The following GSE1 variants were observed in gnomAD, a reference collection of about 807,000 sequenced individuals.
GSE1 encodes Gse1 coiled-coil protein.
A neutral mutation model predicts 112.6 loss-of-function variants in GSE1; 32 were observed. That is an observed-to-expected ratio of 0.28 (90% CI 0.21 to 0.38). The LOEUF (loss-of-function observed/expected upper bound fraction) is 0.38. GSE1 is among the 10% of genes least tolerant of loss of function. The pLI is 1.00. For synonymous variants in GSE1, 1,115 were observed against 735.6 expected, an observed-to-expected ratio of 1.52 and a Z score of -8.35; for missense variants, 2,348 against 1,699.2, an observed-to-expected ratio of 1.38 and a Z score of -6.71.
At chr16:85,298,653 C>T (rs1166563733) in intron 1 of GSE1, among the ~76,000 whole-genome samples, 5 of 152,174 alleles carry the variant, frequency 3.3e-5, no homozygotes, top group Non-Finnish European at 7.3e-5. Flanking sequence ...TCTCGAACTC[C>T]TGACCTCAAG....
intron 9 of GSE1, chr16:85,662,636 G>C (rs1193315517): frequency 3.9e-6 from 1 of 259,650 alleles, no homozygotes; most frequent in Non-Finnish European, 7.4e-6. Flanking sequence ...CAGCATGGGG[G>C]AGTGCATGTG....
chr16:85,189,881 T>TA (rs1406685950), intron 1 of GSE1, among the ~76,000 whole-genome samples: 14 of 152,366 alleles, frequency 9.2e-5, no homozygotes, highest in African/African-American at 3.4e-4. Flanking sequence ...TCATTCCTGA[T>TA]ATTGGTGCCT....
At chr16:85,548,438 G>A (rs1020493486) in intron 2 of GSE1, among the ~76,000 whole-genome samples, 5 of 150,984 alleles carry the variant, frequency 3.3e-5, no homozygotes, top group African/African-American at 7.3e-5. Flanking sequence ...CTGCCCTCCC[G>A]CCTCTGTCAT....
chr16:85,336,367 C>G (rs535846595), intron 1 of GSE1, among the ~76,000 whole-genome samples: 41 of 152,372 alleles, frequency 2.7e-4, no homozygotes, highest in Non-Finnish European at 4.7e-4. Context: ...AGCTCCCGGC[C>G]TAAGCATCAG....
intron 2 of GSE1, among the ~76,000 whole-genome samples, chr16:85,539,608 T>G (rs13380446): frequency 0.026 from 3,929 of 152,094 alleles, 161 homozygotes; most frequent in African/African-American, 0.089. Context: ...ACCTCTGGGT[T>G]GTTTTTCTCC....
intron 2 of GSE1, among the ~76,000 whole-genome samples, chr16:85,477,630 G>A (rs1259228039): frequency 1.4e-5 from 2 of 147,888 alleles, no homozygotes; most frequent in African/African-American, 2.5e-5. Flanking sequence ...GCGCGATCTC[G>A]GCTCACCGCA....
intron 2 of GSE1, among the ~76,000 whole-genome samples, chr16:85,469,992 C>T (rs183851223): frequency 1.3e-5 from 2 of 152,246 alleles, no homozygotes; most frequent in African/African-American, 4.8e-5. Flanking sequence ...TGGAGGGCTG[C>T]TCCCACTCAC....
chr16:85,619,964 GGA>G (rs2151622193), intron 1 of GSE1, among the ~76,000 whole-genome samples: 1 of 152,270 alleles, frequency 6.6e-6, no homozygotes, highest in Admixed American at 6.5e-5. Context: ...CTTAGAGCCT[GGA>G]GAGAGGTCAC....
At chr16:85,367,470 C>T (rs1210222560) in intron 2 of GSE1, among the ~76,000 whole-genome samples, 1 of 152,228 alleles carries the variant, frequency 6.6e-6, no homozygotes, top group South Asian at 2.1e-4. Context: ...AGGCAGATAA[C>T]TCCCGAATGA....
At chr16:85,301,364 G>A (rs927026580) in intron 1 of GSE1, among the ~76,000 whole-genome samples, 44 of 152,344 alleles carry the variant, frequency 2.9e-4, no homozygotes, top group African/African-American at 1.0e-3. Context: ...GCCCTGGAGT[G>A]GGTGGTCTCT....
At chr16:85,175,086 G>A (rs554393909) in intron 1 of GSE1, among the ~76,000 whole-genome samples, 40 of 152,166 alleles carry the variant, frequency 2.6e-4, no homozygotes, top group Non-Finnish European at 5.4e-4. Flanking sequence ...GTGTTCATGC[G>A]TTAGCGAATC....
intron 1 of GSE1, among the ~76,000 whole-genome samples, chr16:85,560,442 T>C (rs1228893314): frequency 6.6e-6 from 1 of 152,152 alleles, no homozygotes; most frequent in Non-Finnish European, 1.5e-5. Flanking sequence ...AGCTTCTTAG[T>C]GGGGACCTGA....
chr16:85,603,076 G>C (rs2047535839), intron 1 of GSE1, among the ~76,000 whole-genome samples: 1 of 152,274 alleles, frequency 6.6e-6, no homozygotes, highest in African/African-American at 2.4e-5. Flanking sequence ...CTTGGAGACA[G>C]GTGTGTTCAT....
intron 2 of GSE1, among the ~76,000 whole-genome samples, chr16:85,392,773 C>G (rs1291665941): frequency 1.3e-5 from 2 of 152,196 alleles, no homozygotes; most frequent in Non-Finnish European, 2.9e-5. Flanking sequence ...ACCCAGAAGT[C>G]CAGCCTCCTT....
chr16:85,353,316 C>A (rs527456901), intron 1 of GSE1, among the ~76,000 whole-genome samples: 1 of 152,252 alleles, frequency 6.6e-6, no homozygotes, highest in Non-Finnish European at 1.5e-5. Flanking sequence ...CCTTCCTATA[C>A]AAGTTCGTGT....
chr16:85,435,241 C>T (rs1487838365), intron 2 of GSE1, among the ~76,000 whole-genome samples: 2 of 152,150 alleles, frequency 1.3e-5, no homozygotes, highest in Non-Finnish European at 2.9e-5. Context: ...GGAGCAGCCT[C>T]CTGGGGGGCC....
At chr16:85,376,032 A>G (rs113122328) in intron 2 of GSE1, among the ~76,000 whole-genome samples, 3 of 152,116 alleles carry the variant, frequency 2.0e-5, no homozygotes, top group African/African-American at 7.2e-5. Context: ...CCACACTCCA[A>G]CTTGGCCTCC....
chr16:85,410,948 G>C (rs2048514512), intron 2 of GSE1, among the ~76,000 whole-genome samples: 1 of 49,774 alleles, frequency 2.0e-5, no homozygotes, highest in Non-Finnish European at 3.5e-5. Flanking sequence ...TTACACTCAG[G>C]CCCCCGGATA....
At chr16:85,641,882 G>A (rs568450355) in intron 2 of GSE1, among the ~76,000 whole-genome samples, 15 of 152,236 alleles carry the variant, frequency 9.9e-5, no homozygotes, top group Non-Finnish European at 2.1e-4. Context: ...TCCTCTGGCC[G>A]GGCTCCTTTC....
Sources: gnomAD v4.1 joint callset for allele counts (sites outside exome capture counted in the v4.1 genomes callset) on GRCh38, gnomAD v4.1.1 for gene constraint, MANE v1.5 for transcripts, NCBI Gene and HGNC (gene_info 2026-07-23, HGNC 2026-07-21) for gene names.